KAT5: variants seen among roughly 807,000 people sequenced by gnomAD.
KAT5 encodes the protein lysine acetyltransferase 5.
A neutral mutation model predicts 68.1 loss-of-function variants in KAT5; 31 were observed. The observed-to-expected ratio is 0.46, with a 90% CI of 0.34 to 0.61. The LOEUF (loss-of-function observed/expected upper bound fraction) is 0.61, where lower values mean the gene tolerates loss of function less well. Among genes scored for constraint, KAT5 ranks in the 20% least tolerant of loss-of-function variants. The probability of loss-of-function intolerance (pLI) is 0.01; values close to 1 mark genes in which losing one functional copy is unlikely to be tolerated. For missense variants in KAT5, 451 were observed against 725.5 expected, an observed-to-expected ratio of 0.62 and a Z score of 4.35; for synonymous variants, 365 against 292.6, an observed-to-expected ratio of 1.25 and a Z score of -2.52.
chr11:65,717,233 A>T, intron 10 of KAT5: 1 of 570,356 alleles, frequency 1.8e-6, no homozygotes, highest in Non-Finnish European at 3.1e-6. Context: ...GCTTTCCCCA[A>T]ATCTGACTTA....
At chr11:65,718,441 T>C (rs1006442641) in intron 10 of KAT5, 149 bp from the exon 11 acceptor site, 1 of 756,024 alleles carries the variant, frequency 1.3e-6, no homozygotes, top group Non-Finnish European at 2.2e-6. Context: ...CTGAGGGAAC[T>C]GAGGCACAGA....
At chr11:65,715,103 A>C in intron 8 of KAT5, 193 bp downstream of exon 8, 2 of 606,570 alleles carry the variant, frequency 3.3e-6, no homozygotes, top group South Asian at 3.7e-5. Flanking sequence ...TGGGAGAGAC[A>C]GTCATACCAA....
chr11:65,713,949 G>T, intron 6 of KAT5, 101 bp downstream of exon 6: 1 of 1,089,362 alleles, frequency 9.2e-7, no homozygotes, highest in Non-Finnish European at 1.4e-6. Context: ...AGAAGGGGTG[G>T]TGGGCAGAGC....
rs1187851154 is a variant in KAT5, at chr11:65,712,294, C to T, written c.27C>T (p.Pro9=). The T allele has an allele frequency of 4.1e-6, 6 of 1,446,950 alleles. No homozygotes were observed. Among genetic ancestry groups the T allele is most frequent in the Non-Finnish European group, 4.5e-6 (5 of 1,101,862 alleles). The allele number at this position is 1,446,950 out of a possible 1,614,324, so 89.6% of individuals were successfully genotyped here. The change falls in exon 1 of 13, where the codon CCC becomes CCT. Residue 9 remains proline, a synonymous_variant. Transcript: ENST00000341318. MAEVVSPV[P]GAGRREPGEV... is the part of the protein sequence containing the mutation. ...TGGCGGAGGTGGTGAGTCCGGTGCC[C>T]GGGGCGGGGCGGAGGGAGCCAGGGG...
At position 65,713,674 on chromosome 11, in the gene KAT5, T is replaced by G. The variant is rs774456869; in HGVS notation, c.615+7T>G. 6.2e-7 allele frequency: 1 copy of G among 1,614,100 alleles called. No homozygotes were observed. The highest frequency in any genetic ancestry group is 2.2e-5 in the East Asian group (1 of 44,884). Reference sequence around the variant, plus strand: ...GGCCTCGGTTTTTCCCCAGGTGAGTTCCCCAAACCATCTCTTGTTCTCTTC... The same window carrying G: ...GGCCTCGGTTTTTCCCCAGGTGAGTGCCCCAAACCATCTCTTGTTCTCTTC... On this transcript the variant is annotated splice_region_variant and intron_variant, in intron 5 of 12. Transcript: ENST00000341318.
At position 65,716,941 on chromosome 11, in the gene KAT5, C is replaced by T; in HGVS notation, c.1223C>T (p.Pro408Leu). Reference protein sequence around the residue: ...YNVACILTLPPYQRRGYGKLL... With the variant: ...YNVACILTLPLYQRRGYGKLL... ...GTGGCCTGCATCCTAACCCTGCCTC[C>T]CTACCAGCGCCGGGGCTACGGCAAG... Residue 408 changes from proline (P) to leucine (L), a missense_variant, in exon 10 of 13, where the codon CCC (proline) becomes CTC (leucine). Transcript: ENST00000341318. 1 of 1,614,168 alleles carries T rather than the reference C, an allele frequency of 6.2e-7. No individual in the cohort carries two copies. The highest frequency in any genetic ancestry group is 8.5e-7 in the Non-Finnish European group (1 of 1,180,018).
rs769485535 is a variant in KAT5 at position 65,713,447 on chromosome 11, G to A, written c.484G>A (p.Glu162Lys). The A allele has an allele frequency of 2.0e-5, 32 of 1,614,012 alleles. No homozygotes were observed. The highest frequency in any genetic ancestry group is 4.5e-5 in the East Asian group (2 of 44,878). Residue 162 changes from glutamate (E) to lysine (K), a missense_variant, in exon 4 of 13, where the codon GAG becomes AAG. Physicochemically the swap from Glu to Lys is moderately conservative, Grantham distance 56. This residue lies in a region of KAT5 where 135 missense variants were observed against 173.4 expected (regional missense o/e 0.78). Coordinates refer to ENST00000341318, the MANE Select transcript of KAT5 (RefSeq NM_182710.3). ...PKEREAIPGG[E>K]PDQPLSSSSC... ...GGAGCGGGAGGCCATTCCCGGTGGC[G>A]AGCCTGACCAGCCGCTCTCCTCCAG...
Position 65,715,224 on chromosome 11 carries a change from G to A in KAT5, c.1029+314G>A, listed in dbSNP as rs4645926. On this transcript the variant is annotated intron_variant, in intron 8 of 12. Coordinates refer to ENST00000341318, the MANE Select transcript of KAT5 (RefSeq NM_182710.3). ...AGAGGGTTACCTTTCAGCCTTGGTG[G>A]ATGACAAAGTGGCTGAGGGGATTTC... 6.5e-3 allele frequency: 2,378 copies of A among 367,672 alleles called. 145 individuals are homozygous for A. The East Asian group carries it at 0.12, about 19-fold the overall frequency. 22.8% of individuals were successfully genotyped at this position (367,672 alleles called of 1,614,324 possible).
At chr11:65,712,020 G>C (rs939209053), upstream of KAT5, 5 of 385,182 alleles carry the variant, frequency 1.3e-5, no homozygotes, top group Non-Finnish European at 1.9e-5. Context: ...TGGGCGTCAC[G>C]TGACGGACTC....
chr11:65,716,519 G>C (rs1356485418), intron 8 of KAT5, 148 bp from the exon 9 acceptor site: 1 of 707,372 alleles, frequency 1.4e-6, no homozygotes, highest in Middle Eastern at 4.0e-4. Context: ...GCGGGCTGGT[G>C]GAGTGGGTCA....
Position 65,719,562 on chromosome 11 carries a change from CTTACCCCT to C in KAT5, c.*382_*389del. On this transcript the variant is annotated 3_prime_UTR_variant, in exon 13 of 13. Transcript: ENST00000341318. ...CTGGCTGCAAAAATTTCTGGCTTCTCTTACCCCTATTGCCCCCGGCAATAAATTGTTTC... is the reference window on the plus strand; with the variant it reads ...CTGGCTGCAAAAATTTCTGGCTTCTCATTGCCCCCGGCAATAAATTGTTTC... 1.6e-6 allele frequency: 1 copy of C among 637,736 alleles called. No individual in the cohort carries two copies. Among genetic ancestry groups the C allele is most frequent in the East Asian group, 2.7e-5 (1 of 36,764 alleles). 39.5% of individuals were successfully genotyped at this position (637,736 alleles called of 1,614,324 possible). A position where few individuals can be genotyped will look rare whatever the true frequency, so the allele number is the denominator to read the frequency against.
intron 8 of KAT5, chr11:65,715,197 A>G: frequency 2.3e-6 from 1 of 431,942 alleles, no homozygotes; most frequent in Non-Finnish European, 4.3e-6. Flanking sequence ...GCAGAGCTTC[A>G]TAGAGGGTTA....
At position 65,714,534 on chromosome 11, in the gene KAT5, C is replaced by T. The variant is rs1857133244; in HGVS notation, c.730C>T (p.Arg244Cys). The T allele has an allele frequency of 1.2e-6, 2 of 1,614,156 alleles. No homozygotes were observed. The highest frequency in any genetic ancestry group is 8.5e-7 in the Non-Finnish European group (1 of 1,180,006). Reference sequence around the variant, plus strand: ...CTCTGATGGAATACCGTCAGCACCACGCATGACTGGCAGCCTGGTGTCTGA... The same window carrying T: ...CTCTGATGGAATACCGTCAGCACCATGCATGACTGGCAGCCTGGTGTCTGA... ...DSSDGIPSAP[R>C]MTGSLVSDRS... is the part of the protein sequence containing the mutation. Residue 244 changes from arginine (R) to cysteine (C), a missense_variant, in exon 7 of 13, where the codon CGC (arginine) becomes TGC (cysteine). By Grantham distance (180) the Arg-to-Cys change is radical. Around this residue, in one of 4 missense-constraint regions of KAT5, gnomAD observed 210 missense variants for 423.7 expected, o/e 0.50. Transcript: ENST00000341318.
rs764209172 is a variant in KAT5 at position 65,716,942 on chromosome 11, C to T, written c.1224C>T (p.Pro408=). 1 of 1,614,082 alleles carries T rather than the reference C, an allele frequency of 6.2e-7. No homozygotes were observed. The highest frequency in any genetic ancestry group is 8.5e-7 in the Non-Finnish European group (1 of 1,180,028). The change falls in exon 10 of 13, where the codon CCC becomes CCT. Residue 408 remains proline, a synonymous_variant. Transcript: ENST00000341318. ...YNVACILTLP[P]YQRRGYGKLL... ...TGGCCTGCATCCTAACCCTGCCTCC[C>T]TACCAGCGCCGGGGCTACGGCAAGC... is the stretch of plus-strand genomic sequence containing the variant.
rs1389847470 is a variant in KAT5, at chr11:65,718,581, T to C, written c.1265-9T>C. The C allele has an allele frequency of 2.5e-6, 4 of 1,612,040 alleles. No homozygotes were observed. Among genetic ancestry groups the C allele is most frequent in the Non-Finnish European group, 1.7e-6 (2 of 1,178,622 alleles). On this transcript the variant is annotated splice_polypyrimidine_tract_variant and intron_variant, in intron 10 of 12. Coordinates refer to ENST00000341318, the MANE Select transcript of KAT5 (RefSeq NM_182710.3). Reference sequence around the variant, plus strand: ...CTCTTACTCACCCTCTCCTGCTCCATTGCTTTAGGCTATGAACTCTCCAAA... The same window carrying C: ...CTCTTACTCACCCTCTCCTGCTCCACTGCTTTAGGCTATGAACTCTCCAAA...
At chr11:65,716,596 G>T in intron 8 of KAT5, 71 bp from the exon 9 acceptor site, 2 of 1,468,810 alleles carry the variant, frequency 1.4e-6, no homozygotes, top group Non-Finnish European at 1.9e-6. Context: ...TGAAGCTCCT[G>T]GTTGACCCTG....
In KAT5 at chr11:65,719,174, AGTG is replaced by A; in HGVS notation, c.1638_1640del (p.Trp546del). 6.2e-7 allele frequency: 1 copy of A among 1,613,862 alleles called. No homozygotes were observed. The highest frequency in any genetic ancestry group is 8.5e-7 in the Non-Finnish European group (1 of 1,179,954). On this transcript the variant is annotated inframe_deletion, in exon 13 of 13. Coordinates refer to ENST00000341318, the MANE Select transcript of KAT5 (RefSeq NM_182710.3). ...CCCAAGGACTGGAGCAAGAGGGGGA[AGTG>A]GTGACCAGACACTGCCCACTGCAGT...
At chr11:65,713,733 TC>T in intron 5 of KAT5, 40 bp from the exon 6 acceptor site, 2 of 1,613,716 alleles carry the variant, frequency 1.2e-6, no homozygotes, top group Non-Finnish European at 8.5e-7. Context: ...TTTTTCAGGC[TC>T]ATTTCACAGC....
Position 65,712,352 on chromosome 11 carries a change from G to T in KAT5, c.85G>T (p.Asp29Tyr), listed in dbSNP as rs202097241. Residue 29 changes from aspartate to tyrosine, a missense_variant, in exon 1 of 13, where the codon GAC (aspartate) becomes TAC (tyrosine). This residue lies in a region of KAT5 where 104 missense variants were observed against 107.3 expected (regional missense o/e 0.97). Transcript: ENST00000341318. The stretch of plus-strand genomic sequence containing the variant: ...TAGAGCCCGAGGCCCCCCAGTAGCC[G>T]ACCCTGGCGTCGCGCTGTCTCCCCA... ...VGRARGPPVA[D>Y]PGVALSPQGE... is the part of the protein sequence containing the mutation. The T allele has an allele frequency of 1.3e-6, 2 of 1,536,000 alleles. No individual in the cohort carries two copies. Among genetic ancestry groups the T allele is most frequent in the Middle Eastern group, 1.8e-4 (1 of 5,684 alleles).
Sources: allele counts gnomAD v4.1 joint callset, GRCh38; gene constraint gnomAD v4.1.1; regional missense constraint gnomAD v4.1.1; transcripts MANE v1.5; gene names NCBI Gene and HGNC (gene_info 2026-07-23, HGNC 2026-07-21).